Variants in ARMH3 observed in about 807,000 individuals in gnomAD.
The protein encoded by ARMH3 is armadillo-like helical domain-containing protein 3.
ARMH3 carries 60 observed loss-of-function variants against 99.1 expected under a neutral mutation model. That is an observed-to-expected ratio of 0.61 (90% CI 0.49 to 0.75). The LOEUF (loss-of-function observed/expected upper bound fraction) is 0.75. Ranked by LOEUF, ARMH3 falls within the 30% of genes least tolerant of loss-of-function variation. The pLI is 0.00. For missense variants in ARMH3, 679 were observed against 843.1 expected (o/e 0.81, Z 2.41); for synonymous variants, 285 against 292.8 (o/e 0.97, Z 0.27).
intron 14 of ARMH3, among the ~76,000 whole-genome samples, chr10:102,004,122 T>C (rs1449196468): frequency 6.6e-6 from 1 of 152,226 alleles, no homozygotes; most frequent in East Asian, 1.9e-4. Context: ...AGTCCTCTCA[T>C]GCCAAGGCTG....
chr10:101,892,641 T>C (rs777876416), intron 23 of ARMH3, among the ~76,000 whole-genome samples: 4 of 152,158 alleles, frequency 2.6e-5, no homozygotes, highest in Non-Finnish European at 4.4e-5. Context: ...ATCCCAGCAC[T>C]TATCATAGTA....
intron 8 of ARMH3, among the ~76,000 whole-genome samples, chr10:102,020,761 G>A (rs1042475438): frequency 1.3e-5 from 2 of 149,748 alleles, no homozygotes; most frequent in African/African-American, 4.9e-5. Context: ...GCTAAGGCAG[G>A]ACAATCACTT....
rs969092679 is a variant in ARMH3 at position 101,868,754 on chromosome 10, G to T, written c.1861-18862C>A. Among the ~76,000 whole-genome samples, 3 of 151,980 alleles carry T rather than the reference G, an allele frequency of 2.0e-5. No homozygotes were observed. In the East Asian group the frequency reaches 5.8e-4, roughly 29 times the overall value. ...TATATAATACATATATAAAATATGG[G>T]TTAATCAACTGTTTATGTTATCAGC... On this transcript the variant is annotated intron_variant, in intron 24 of 25. Transcript: ENST00000370033.
intron 19 of ARMH3, among the ~76,000 whole-genome samples, chr10:101,977,663 A>AG (rs2135937440): frequency 6.6e-6 from 1 of 152,354 alleles, no homozygotes; most frequent in South Asian, 2.1e-4. Context: ...CTGGGTCATG[A>AG]GGGCTCTGCC....
chr10:101,918,139 C>T lies in ARMH3; in HGVS notation c.1781+21724G>A, dbSNP rs555884630. 5.3e-5 allele frequency among the ~76,000 whole-genome samples: 8 copies of T among 152,228 alleles called. No homozygotes were observed. The South Asian group carries it at 1.7e-3, about 32-fold the overall frequency. On this transcript the variant is annotated intron_variant, in intron 23 of 25. Transcript: ENST00000370033. ...TCTTGGCTCGGCTGACTGCAACCTG[C>T]ACCTCCCGGCTTCAGGCGATTCTCC...
chr10:102,035,316 G>A (rs148063779), intron 2 of ARMH3, among the ~76,000 whole-genome samples: 2,304 of 152,092 alleles, frequency 0.015, 25 homozygotes, highest in Non-Finnish European at 0.023. Flanking sequence ...AGTGAGCCAC[G>A]ATTGTGCCAC....
At chr10:101,934,221 T>C (rs1843849866) in intron 23 of ARMH3, among the ~76,000 whole-genome samples, 1 of 152,118 alleles carries the variant, frequency 6.6e-6, no homozygotes, top group South Asian at 2.1e-4. Flanking sequence ...CTTAACCATG[T>C]GTGTGTGTGT....
At chr10:101,849,057 T>C (rs978816943) in intron 25 of ARMH3, among the ~76,000 whole-genome samples, 1 of 152,190 alleles carries the variant, frequency 6.6e-6, no homozygotes, top group Non-Finnish European at 1.5e-5. Flanking sequence ...AAAGCTGAGC[T>C]GACGCAAGTT....
At chr10:102,022,859 C>T (rs911747909) in intron 8 of ARMH3, among the ~76,000 whole-genome samples, 2 of 148,236 alleles carry the variant, frequency 1.3e-5, no homozygotes. Flanking sequence ...GGATTACAGG[C>T]GTGAGCCACC....
intron 19 of ARMH3, among the ~76,000 whole-genome samples, chr10:101,978,343 T>C (rs1433929678): frequency 2.0e-5 from 3 of 152,130 alleles, no homozygotes; most frequent in Non-Finnish European, 4.4e-5. Context: ...GGCTCTCACA[T>C]CACAGAGGGA....
intron 23 of ARMH3, among the ~76,000 whole-genome samples, chr10:101,914,122 G>A: frequency 6.6e-6 from 1 of 152,144 alleles, no homozygotes; most frequent in East Asian, 1.9e-4. Context: ...TTTCCCGGCT[G>A]GATGAAGTGC....
chr10:102,012,776 T>C, intron 10 of ARMH3, 57 bp downstream of exon 10: 2 of 1,520,506 alleles, frequency 1.3e-6, no homozygotes, highest in Non-Finnish European at 1.8e-6. Flanking sequence ...AACAAAACTC[T>C]AACAACCAAT....
intron 23 of ARMH3, among the ~76,000 whole-genome samples, chr10:101,913,480 C>T (rs942843911): frequency 6.7e-6 from 1 of 149,974 alleles, no homozygotes; most frequent in Non-Finnish European, 1.5e-5. Flanking sequence ...ATCTTCCCAT[C>T]TCAGCATCCC....
chr10:101,945,578 CGTGGT>C, intron 22 of ARMH3, among the ~76,000 whole-genome samples: 1 of 152,016 alleles, frequency 6.6e-6, no homozygotes, highest in South Asian at 2.1e-4. Flanking sequence ...CTTAACCAGG[CGTGGT>C]GGTGCATGCC....
chr10:102,004,925 C>T (rs2066447823), intron 14 of ARMH3, among the ~76,000 whole-genome samples: 1 of 152,008 alleles, frequency 6.6e-6, no homozygotes, highest in East Asian at 1.9e-4. Context: ...CAAAAATTGG[C>T]CAGGCGTGGT....
chr10:102,025,718 T>A (rs961867058), intron 5 of ARMH3, among the ~76,000 whole-genome samples: 3 of 152,196 alleles, frequency 2.0e-5, no homozygotes, highest in Admixed American at 6.5e-5. Flanking sequence ...GGCATGTTCA[T>A]AGCACACTGC....
intron 24 of ARMH3, among the ~76,000 whole-genome samples, chr10:101,851,184 T>A (rs1564688030): frequency 6.6e-6 from 1 of 152,158 alleles, no homozygotes; most frequent in Non-Finnish European, 1.5e-5. Context: ...GCGGGGAGGA[T>A]TCAGACTTCC....
rs1177135339 is a variant in ARMH3 at position 101,847,305 on chromosome 10, T to C, written c.*223A>G. ...GGAAGTCCCCACATTCCTGGAGGCC[T>C]CTCCCCACTGTGCCCACCCATTCCT... On this transcript the variant is annotated 3_prime_UTR_variant, in exon 26 of 26. Coordinates refer to ENST00000370033, the MANE Select transcript of ARMH3 (RefSeq NM_024541.3). 2 of 501,934 alleles carry C rather than the reference T, an allele frequency of 4.0e-6. No individual in the cohort carries two copies. Among genetic ancestry groups the C allele is most frequent in the East Asian group, 7.0e-5 (2 of 28,614 alleles). 31.1% of individuals were successfully genotyped at this position (501,934 alleles called of 1,614,324 possible). A position where few individuals can be genotyped will look rare whatever the true frequency, so the allele number is the denominator to read the frequency against.
At chr10:101,896,802 G>C (rs888589710) in intron 23 of ARMH3, among the ~76,000 whole-genome samples, 1 of 152,196 alleles carries the variant, frequency 6.6e-6, no homozygotes, top group Non-Finnish European at 1.5e-5. Flanking sequence ...GGAGCTTCTG[G>C]AGAGAGAGGG....
Sources: allele counts gnomAD v4.1 joint callset (sites outside exome capture counted in the v4.1 genomes callset), GRCh38; gene constraint gnomAD v4.1.1; transcripts MANE v1.5; gene names NCBI Gene and HGNC (gene_info 2026-07-23, HGNC 2026-07-21).